Variants in IL10 observed in about 807,000 individuals in gnomAD.
The protein encoded by IL10 is interleukin 10, also known as interleukin-10.
IL10 carries 7 observed loss-of-function variants against 21.0 expected under a neutral mutation model. The ratio of observed to expected loss-of-function variants is 0.33; its 90% CI spans 0.19 to 0.63. The LOEUF is 0.63. Ranked by LOEUF, IL10 falls within the 20% of genes least tolerant of loss-of-function variation. The pLI, the probability that IL10 is intolerant of heterozygous loss-of-function variation, is 0.77. For synonymous variants in IL10, 83 were observed against 79.7 expected (o/e 1.04, Z -0.22); for missense variants, 161 against 213.0 (o/e 0.76, Z 1.52).
intron 1 of IL10, among the ~76,000 whole-genome samples, 192 bp from the exon 2 acceptor site, chr1:206,771,607 T>G (rs3021094): frequency 0.086 from 13,092 of 152,186 alleles, 1,113 homozygotes; most frequent in East Asian, 0.48. Flanking sequence ...CAGGTCCTCC[T>G]CCTCAGAGTC....
At chr1:206,770,051 T>A (rs1674777093) in intron 3 of IL10, among the ~76,000 whole-genome samples, 157 bp from the exon 4 acceptor site, 1 of 152,198 alleles carries the variant, frequency 6.6e-6, no homozygotes, top group Admixed American at 6.5e-5. Flanking sequence ...TCCATGGCCC[T>A]GGGAGTTAAA....
chr1:206,771,298 A>T, intron 2 of IL10, 58 bp downstream of exon 2: 1 of 1,458,774 alleles, frequency 6.9e-7, no homozygotes, highest in Non-Finnish European at 9.6e-7. Flanking sequence ...CAGGAAGCAG[A>T]GTCTCCCTTC....
intron 1 of IL10, 54 bp from the exon 2 acceptor site, chr1:206,771,469 T>A (rs1043348602): frequency 2.1e-6 from 3 of 1,439,512 alleles, no homozygotes; most frequent in Non-Finnish European, 2.9e-6. Context: ...ATAACTGAAA[T>A]GCGGTCTTTT....
intron 3 of IL10, 65 bp downstream of exon 3, chr1:206,770,842 T>G: frequency 6.7e-7 from 1 of 1,488,568 alleles, no homozygotes; most frequent in Non-Finnish European, 9.4e-7. Context: ...TGAGTGTCCC[T>G]GCTGGTCTGT....
Position 206,769,859 on chromosome 1 carries a change from G to A in IL10, c.414C>T (p.Ala138=), listed in dbSNP as rs771681458. Residue 138 remains alanine (A), a synonymous_variant, in exon 4 of 5, where the codon GCC becomes GCT. Coordinates refer to ENST00000423557, the MANE Select transcript of IL10 (RefSeq NM_000572.3). ...RFLPCENKSK[A]VEQVKNAFNK... ...TAAAGGCATTCTTCACCTGCTCCAC[G>A]GCCTTGCTCTTGTTTTCACAGGGAA... 14 of 1,613,978 alleles carry A rather than the reference G, an allele frequency of 8.7e-6. No individual in the cohort carries two copies. The East Asian group carries it at 1.8e-4, about 21-fold the overall frequency.
Position 206,771,390 on chromosome 1 carries a change from A to G in IL10, c.191T>C (p.Leu64Ser), listed in dbSNP as rs756548976. ...FFQMKDQLDN[L>S]LLKESLLEDF... Reference sequence around the variant, plus strand: ...CTCCAGCAAGGACTCCTTTAACAACAAGTTGTCCAGCTGATCCTTCATTTG... The same window carrying G: ...CTCCAGCAAGGACTCCTTTAACAACGAGTTGTCCAGCTGATCCTTCATTTG... The change falls in exon 2 of 5, where the codon TTG (leucine) becomes TCG (serine). Residue 64 changes from leucine to serine, a missense_variant. Transcript: ENST00000423557. 2.5e-6 allele frequency: 4 copies of G among 1,613,140 alleles called. No individual in the cohort carries two copies. The highest frequency in any genetic ancestry group is 3.4e-6 in the Non-Finnish European group (4 of 1,179,612).
At position 206,768,156 on chromosome 1, in the gene IL10, C is replaced by T. The variant is rs915714665; in HGVS notation, c.*480G>A. 1 of 224,326 alleles carries T rather than the reference C, an allele frequency of 4.5e-6. No homozygotes were observed. The highest frequency in any genetic ancestry group is 8.9e-6 in the Non-Finnish European group (1 of 112,944). The allele number at this position is 224,326 out of a possible 1,614,324, so 13.9% of individuals were successfully genotyped here. A position where few individuals can be genotyped will look rare whatever the true frequency, so the allele number is the denominator to read the frequency against. On this transcript the variant is annotated 3_prime_UTR_variant, in exon 5 of 5. Coordinates refer to ENST00000423557, the MANE Select transcript of IL10 (RefSeq NM_000572.3). ...AGGTGAATTAATCATCAAAGGGGCT[C>T]CCTGGTTTCTCTTCCTAAGAGTATT...
Position 206,771,400 on chromosome 1 carries a change from G to T in IL10, c.181C>A (p.Leu61Met). ...GACTCCTTTAACAACAAGTTGTCCA[G>T]CTGATCCTTCATTTGCTGCAGGAAG... The part of the protein sequence containing the change: ...VKTFFQMKDQ[L>M]DNLLLKESLL... Residue 61 changes from leucine (L) to methionine (M), a missense_variant, in exon 2 of 5, where the codon CTG (leucine) becomes ATG (methionine). Transcript: ENST00000423557. 6.2e-7 allele frequency: 1 copy of T among 1,611,848 alleles called. No individual in the cohort carries two copies. The highest frequency in any genetic ancestry group is 8.5e-7 in the Non-Finnish European group (1 of 1,178,944).
intron 4 of IL10, among the ~76,000 whole-genome samples, chr1:206,769,294 C>T (rs1269766333): frequency 6.6e-6 from 1 of 152,240 alleles, no homozygotes; most frequent in Admixed American, 6.5e-5. Context: ...AACCCCATTT[C>T]GTTTGGGAAC....
Position 206,770,658 on chromosome 1 carries a change from C to A in IL10, c.378+249G>T, listed in dbSNP as rs1674800619. 1.8e-5 allele frequency: 10 copies of A among 553,964 alleles called. No homozygotes were observed. In the South Asian group the frequency reaches 2.1e-4, roughly 11 times the overall value. 34.3% of individuals were successfully genotyped at this position (553,964 alleles called of 1,614,324 possible). A position where few individuals can be genotyped will look rare whatever the true frequency, so the allele number is the denominator to read the frequency against. ...GAAGAGAGAGGGGAGTAGTTAATAA[C>A]CCACAAATGACTCACAAATAACAGG... On this transcript the variant is annotated intron_variant, in intron 3 of 4. Transcript: ENST00000423557.
In IL10 at chr1:206,771,182, A is replaced by G. The variant is rs1014838285; in HGVS notation, c.226-123T>C. 3 of 1,248,636 alleles carry G rather than the reference A, an allele frequency of 2.4e-6. No homozygotes were observed. In the Admixed American group the frequency reaches 5.1e-5, roughly 21 times the overall value. 77.3% of individuals were successfully genotyped at this position (1,248,636 alleles called of 1,614,324 possible). The stretch of plus-strand genomic sequence containing the variant: ...TCCTCCTTCACCAGAAGCCTCCCCG[A>G]AGGGACTGAGCCCTTTGTAAACCCT... On this transcript the variant is annotated intron_variant, in intron 2 of 4. Transcript: ENST00000423557.
intron 3 of IL10, 71 bp downstream of exon 3, chr1:206,770,836 T>A (rs1240154314): frequency 4.2e-6 from 6 of 1,418,136 alleles, no homozygotes; most frequent in African/African-American, 2.8e-5. Context: ...TGGATGTGAG[T>A]GTCCCTGCTG....
chr1:206,769,893 T>C lies in IL10; in HGVS notation c.380A>G (p.His127Arg). ...CTTGTTTTCACAGGGAAGAAATCGATGCTGTGGAAGAAAAGAGAAAGTGTT... is the reference window on the plus strand; with the variant it reads ...CTTGTTTTCACAGGGAAGAAATCGACGCTGTGGAAGAAAAGAGAAAGTGTT... ...KTLRLRLRRC[H>R]RFLPCENKSK... The change falls in exon 4 of 5, where the codon CAT becomes CGT. Residue 127 changes from histidine to arginine, a missense_variant and splice_region_variant. Transcript: ENST00000423557. 1 of 1,613,556 alleles carries C rather than the reference T, an allele frequency of 6.2e-7. No individual in the cohort carries two copies. The highest frequency in any genetic ancestry group is 8.5e-7 in the Non-Finnish European group (1 of 1,179,454).
At chr1:206,770,659 C>A in intron 3 of IL10, 1 of 555,648 alleles carries the variant, frequency 1.8e-6, no homozygotes, top group Non-Finnish European at 3.2e-6. Context: ...AGTTAATAAC[C>A]CACAAATGAC....
In IL10 at chr1:206,772,257, G is replaced by A. The variant is rs749203652; in HGVS notation, c.165+14C>T. ...CCCAGGAAGAGAGAAAGGACAGGAA[G>A]GAATCATACTCACAAAGAAAGTCTT... On this transcript the variant is annotated intron_variant, in intron 1 of 4. Transcript: ENST00000423557. 33 of 1,611,480 alleles carry A rather than the reference G, an allele frequency of 2.0e-5. No homozygotes were observed. Among genetic ancestry groups the A allele is most frequent in the Non-Finnish European group, 2.8e-5 (33 of 1,177,752 alleles).
In IL10 at chr1:206,768,604, C is replaced by G. The variant is rs769386058; in HGVS notation, c.*32G>C. The G allele has an allele frequency of 4.7e-6, 6 of 1,276,156 alleles. No homozygotes were observed. The South Asian group carries it at 7.2e-5, about 15-fold the overall frequency. The allele number at this position is 1,276,156 out of a possible 1,614,324, so 79.1% of individuals were successfully genotyped here. On this transcript the variant is annotated 3_prime_UTR_variant, in exon 5 of 5. Coordinates refer to ENST00000423557, the MANE Select transcript of IL10 (RefSeq NM_000572.3). Reference sequence around the variant, plus strand: ...GATTTTGGAGACCTCTAATTTATGTCCTAGAGTCTATAGAGTCGCCACCCT... The same window carrying G: ...GATTTTGGAGACCTCTAATTTATGTGCTAGAGTCTATAGAGTCGCCACCCT...
chr1:206,769,422 T>G (rs2102437518), intron 4 of IL10, among the ~76,000 whole-genome samples: 1 of 152,384 alleles, frequency 6.6e-6, no homozygotes, highest in South Asian at 2.1e-4. Flanking sequence ...GAGTCTGGGC[T>G]GAACCCCCAG....
In IL10 at chr1:206,771,337, AC is replaced by A. The variant is rs778287644; in HGVS notation, c.225+18del. 6.2e-7 allele frequency: 1 copy of A among 1,609,654 alleles called. No homozygotes were observed. The highest frequency in any genetic ancestry group is 8.5e-7 in the Non-Finnish European group (1 of 1,176,466). The stretch of plus-strand genomic sequence containing the variant: ...TAATCATGCTGCACACTCCCCCAGC[AC>A]CCCGCCCCTGCTCTCACCTTAAAGT... On this transcript the variant is annotated intron_variant, in intron 2 of 4. Coordinates refer to ENST00000423557, the MANE Select transcript of IL10 (RefSeq NM_000572.3).
At chr1:206,770,708 T>G (rs1674802448) in intron 3 of IL10, 199 bp downstream of exon 3, 1 of 607,586 alleles carries the variant, frequency 1.6e-6, no homozygotes, top group Non-Finnish European at 2.9e-6. Context: ...ATTTCACATG[T>G]AAATGCCTAG....
Sources: allele counts gnomAD v4.1 joint callset (sites outside exome capture counted in the v4.1 genomes callset), GRCh38; gene constraint gnomAD v4.1.1; transcripts MANE v1.5; gene names NCBI Gene and HGNC (gene_info 2026-07-23, HGNC 2026-07-21).